DIAPH3: variants seen among roughly 807,000 people sequenced by gnomAD.
The protein encoded by DIAPH3 is diaphanous related formin 3.
A neutral mutation model predicts 144.3 loss-of-function variants in DIAPH3; 117 were observed. That is an observed-to-expected ratio of 0.81 (90% CI 0.70 to 0.95). The LOEUF (loss-of-function observed/expected upper bound fraction) is 0.95, where lower values mean the gene tolerates loss of function less well. Ranked by LOEUF, DIAPH3 falls within the 40% of genes least tolerant of loss-of-function variation. The pLI is 0.00. For synonymous variants in DIAPH3, 519 were observed against 488.9 expected, an observed-to-expected ratio of 1.06 and a Z score of -0.81; for missense variants, 1,421 against 1,412.7, an observed-to-expected ratio of 1.01 and a Z score of -0.09.
intron 25 of DIAPH3, among the ~76,000 whole-genome samples, chr13:59,803,072 A>G (rs1456615432): frequency 6.6e-6 from 1 of 152,228 alleles, no homozygotes; most frequent in East Asian, 1.9e-4. Context: ...TATGTTGATT[A>G]GTGGAGACAG....
intron 20 of DIAPH3, among the ~76,000 whole-genome samples, chr13:59,879,988 A>G (rs2044901494): frequency 6.6e-6 from 1 of 152,172 alleles, no homozygotes; most frequent in Admixed American, 6.5e-5. Flanking sequence ...TACTAAATTG[A>G]CTTTCTTCAG....
At chr13:60,090,591 T>A (rs1450761628) in intron 4 of DIAPH3, among the ~76,000 whole-genome samples, 1 of 152,212 alleles carries the variant, frequency 6.6e-6, no homozygotes, top group Non-Finnish European at 1.5e-5. Context: ...CCTTTTCATA[T>A]CCTGTGTAGA....
At chr13:60,023,305 T>C (rs961080821) in intron 5 of DIAPH3, among the ~76,000 whole-genome samples, 33 of 152,234 alleles carry the variant, frequency 2.2e-4, no homozygotes, top group African/African-American at 7.2e-4. Context: ...TGTTGAGTTG[T>C]ATATTTAAAG....
chr13:59,839,353 A>T lies in DIAPH3; in HGVS notation c.2833T>A (p.Leu945Met). The T allele has an allele frequency of 6.2e-7, 1 of 1,613,680 alleles. No homozygotes were observed. The highest frequency in any genetic ancestry group is 8.5e-7 in the Non-Finnish European group (1 of 1,179,768). Residue 945 changes from leucine to methionine, a missense_variant, in exon 23 of 28, where the codon TTG becomes ATG. Physicochemically the swap from Leu to Met is conservative, Grantham distance 15. Transcript: ENST00000400324. Reference protein sequence around the residue: ...ELETFPPPEDLHDKFVTKMSR... With the variant: ...ELETFPPPEDMHDKFVTKMSR... ...ATCTTTGTCACAAACTTGTCATGCA[A>T]GTCCTCAGGAGGGGGAAAGGTTTCC...
At chr13:59,770,906 T>A (rs1388838324) in intron 27 of DIAPH3, among the ~76,000 whole-genome samples, 1 of 152,196 alleles carries the variant, frequency 6.6e-6, no homozygotes, top group African/African-American at 2.4e-5. Context: ...ATTTAGCACA[T>A]ACTTCATTTC....
intron 27 of DIAPH3, among the ~76,000 whole-genome samples, chr13:59,698,582 ATC>A (rs2033940484): frequency 6.6e-6 from 1 of 152,234 alleles, no homozygotes; most frequent in Non-Finnish European, 1.5e-5. Context: ...TCTTTTTAAA[ATC>A]TCTCTTGCAT....
chr13:59,755,005 C>A (rs2037186070), intron 27 of DIAPH3, among the ~76,000 whole-genome samples: 1 of 152,158 alleles, frequency 6.6e-6, no homozygotes, highest in South Asian at 2.1e-4. Flanking sequence ...AACTTCTTTT[C>A]TATACAGGTA....
At chr13:59,980,998 T>C in intron 13 of DIAPH3, 139 bp from the exon 14 acceptor site, 12 of 681,772 alleles carry the variant, frequency 1.8e-5, no homozygotes, top group Non-Finnish European at 2.9e-5. Context: ...GAAAAAATAT[T>C]ATAATGTTGG....
chr13:59,767,778 A>G (rs2037929952), intron 27 of DIAPH3, among the ~76,000 whole-genome samples: 1 of 152,188 alleles, frequency 6.6e-6, no homozygotes, highest in African/African-American at 2.4e-5. Context: ...AATTTATTCC[A>G]GCCTTCAGCA....
chr13:59,779,016 C>T (rs1370340634), intron 25 of DIAPH3, among the ~76,000 whole-genome samples: 1 of 152,084 alleles, frequency 6.6e-6, no homozygotes, highest in Non-Finnish European at 1.5e-5. Flanking sequence ...AATTGTATTT[C>T]CAATTGTATC....
At chr13:60,029,331 C>G (rs776470043) in intron 5 of DIAPH3, among the ~76,000 whole-genome samples, 5 of 152,120 alleles carry the variant, frequency 3.3e-5, no homozygotes, top group Non-Finnish European at 5.9e-5. Flanking sequence ...CATGTGACTA[C>G]TGCCAGAGCC....
At chr13:59,703,971 A>T (rs1296661181) in intron 27 of DIAPH3, among the ~76,000 whole-genome samples, 1 of 152,186 alleles carries the variant, frequency 6.6e-6, no homozygotes, top group African/African-American at 2.4e-5. Context: ...AGCTAACCCC[A>T]GGCTAAGTTG....
At chr13:59,945,085 A>G (rs2140405800) in intron 17 of DIAPH3, among the ~76,000 whole-genome samples, 1 of 152,216 alleles carries the variant, frequency 6.6e-6, no homozygotes, top group Non-Finnish European at 1.5e-5. Context: ...TTCAAAAATC[A>G]TATACTCATG....
intron 4 of DIAPH3, among the ~76,000 whole-genome samples, chr13:60,053,447 T>C (rs1027985089): frequency 5.3e-5 from 8 of 152,304 alleles, no homozygotes; most frequent in African/African-American, 1.7e-4. Context: ...AAATGCAGCA[T>C]AGAAAGAAAA....
At chr13:59,856,783 C>A in intron 22 of DIAPH3, among the ~76,000 whole-genome samples, 1 of 151,964 alleles carries the variant, frequency 6.6e-6, no homozygotes, top group East Asian at 1.9e-4. Context: ...TTCCCTTGAC[C>A]AGTCAATAAA....
intron 25 of DIAPH3, among the ~76,000 whole-genome samples, 182 bp downstream of exon 25, chr13:59,810,606 T>TA (rs1280869357): frequency 6.6e-6 from 1 of 152,168 alleles, no homozygotes; most frequent in African/African-American, 2.4e-5. Context: ...ATGAAGACAC[T>TA]ACACTACTCG....
intron 9 of DIAPH3, among the ~76,000 whole-genome samples, chr13:60,007,330 C>T (rs1251365320): frequency 6.6e-6 from 1 of 152,188 alleles, no homozygotes; most frequent in Non-Finnish European, 1.5e-5. Context: ...GGATTACAGG[C>T]ATGAGCCACC....
chr13:59,697,818 C>T (rs1477931272), intron 27 of DIAPH3, among the ~76,000 whole-genome samples: 1 of 152,166 alleles, frequency 6.6e-6, no homozygotes, highest in Non-Finnish European at 1.5e-5. Context: ...TTAAAAACAA[C>T]TTTAAATCAT....
At chr13:59,734,610 G>A (rs1020432512) in intron 27 of DIAPH3, among the ~76,000 whole-genome samples, 2 of 152,010 alleles carry the variant, frequency 1.3e-5, no homozygotes, top group South Asian at 4.1e-4. Context: ...TATAACAGCC[G>A]CTGCTGTCTT....
Sources: allele counts gnomAD v4.1 joint callset (sites outside exome capture counted in the v4.1 genomes callset), GRCh38; gene constraint gnomAD v4.1.1; transcripts MANE v1.5; gene names NCBI Gene and HGNC (gene_info 2026-07-23, HGNC 2026-07-21).